The following ME3 variants were observed in gnomAD, a reference collection of about 807,000 sequenced individuals.
ME3 encodes the protein NADP-dependent malic enzyme, mitochondrial.
ME3 carries 48 observed loss-of-function variants against 68.9 expected under a neutral mutation model. That is an observed-to-expected ratio of 0.70 (90% CI 0.55 to 0.89). ME3 has a LOEUF of 0.89. Among genes scored for constraint, ME3 ranks in the 40% least tolerant of loss-of-function variants. The probability of loss-of-function intolerance (pLI) is 0.00; values close to 1 mark genes in which losing one functional copy is unlikely to be tolerated. For synonymous variants in ME3, 320 were observed against 318.8 expected, an observed-to-expected ratio of 1.00 and a Z score of -0.04; for missense variants, 675 against 797.4, an observed-to-expected ratio of 0.85 and a Z score of 1.85.
At chr11:86,454,133 A>G (rs1264093044) in intron 8 of ME3, among the ~76,000 whole-genome samples, 1 of 152,240 alleles carries the variant, frequency 6.6e-6, no homozygotes, top group African/African-American at 2.4e-5. Context: ...GGCTTACTAC[A>G]TTTGGATAAT....
chr11:86,617,067 T>G (rs887481460), intron 2 of ME3, among the ~76,000 whole-genome samples: 4 of 141,128 alleles, frequency 2.8e-5, no homozygotes, highest in African/African-American at 1.0e-4. Flanking sequence ...TTTTTTTTTT[T>G]TTTTTTTTTT....
intron 2 of ME3, among the ~76,000 whole-genome samples, chr11:86,604,071 T>A (rs1374552123): frequency 6.6e-6 from 1 of 151,092 alleles, no homozygotes; most frequent in East Asian, 1.9e-4. Flanking sequence ...ATTGTGCACA[T>A]GTACCCTAAA....
chr11:86,641,038 G>GGC (rs1390955360), intron 2 of ME3, among the ~76,000 whole-genome samples: 475 of 23,890 alleles, frequency 0.02, 1 homozygote, highest in Non-Finnish European at 0.051. Context: ...AATTTCACTG[G>GGC]GGGGGGGGGT....
intron 4 of ME3, among the ~76,000 whole-genome samples, chr11:86,537,232 C>T (rs1019920863): frequency 4.6e-5 from 7 of 151,380 alleles, no homozygotes; most frequent in African/African-American, 1.7e-4. Context: ...CACATGTATA[C>T]ATATGTAACT....
In ME3 at chr11:86,450,488, T is replaced by G. The variant is rs116648270; in HGVS notation, c.920-90A>C. The G allele has an allele frequency of 4.4e-4, 484 of 1,091,612 alleles. 1 individual carries two copies. The African/African-American group carries it at 6.7e-3, about 15-fold the overall frequency. The allele number at this position is 1,091,612 out of a possible 1,614,324, so 67.6% of individuals were successfully genotyped here. A position where few individuals can be genotyped will look rare whatever the true frequency, so the allele number is the denominator to read the frequency against. ...TGGCAGAGTTCCCCACATCTGGGAC[T>G]GTGGAGGAACAGGCAACTTTTCTTA... On this transcript the variant is annotated intron_variant, in intron 8 of 14. Coordinates refer to ENST00000543262, the Ensembl canonical transcript of ME3.
At chr11:86,534,805 T>C (rs993784315) in intron 4 of ME3, among the ~76,000 whole-genome samples, 1 of 152,200 alleles carries the variant, frequency 6.6e-6, no homozygotes, top group South Asian at 2.1e-4. Context: ...GGACTTCCAC[T>C]TGGGTTTGCT....
At chr11:86,541,927 C>G (rs1037091902) in intron 4 of ME3, among the ~76,000 whole-genome samples, 1 of 152,172 alleles carries the variant, frequency 6.6e-6, no homozygotes, top group South Asian at 2.1e-4. Flanking sequence ...TGGTGGTTGC[C>G]CCTCTGGGAT....
At chr11:86,568,947 C>T (rs1427746992) in intron 2 of ME3, among the ~76,000 whole-genome samples, 1 of 152,226 alleles carries the variant, frequency 6.6e-6, no homozygotes, top group African/African-American at 2.4e-5. Flanking sequence ...ACATACAATA[C>T]CAATCCTGGG....
At chr11:86,466,138 G>A (rs796078879) in intron 7 of ME3, among the ~76,000 whole-genome samples, 2 of 152,294 alleles carry the variant, frequency 1.3e-5, no homozygotes, top group East Asian at 1.9e-4. Context: ...AGGAAGCTGA[G>A]AGTGAAGTTT....
intron 2 of ME3, among the ~76,000 whole-genome samples, chr11:86,662,696 A>G (rs144612311): frequency 6.5e-4 from 99 of 152,362 alleles, no homozygotes; most frequent in African/African-American, 2.2e-3. Context: ...GTTAACATAT[A>G]TAAACTACTT....
In ME3 at chr11:86,550,546, G is replaced by A. The variant is rs530670956; in HGVS notation, c.467+6007C>T. Among the ~76,000 whole-genome samples, 6 of 152,204 alleles carry A rather than the reference G, an allele frequency of 3.9e-5. No homozygotes were observed. The South Asian group carries it at 8.3e-4, about 21-fold the overall frequency. ...CCTTGTACACAGTCTACTCAAGGAC[G>A]CCTTTCCAGCAGCACAGCTGAAAGT... On this transcript the variant is annotated intron_variant, in intron 4 of 14. Transcript: ENST00000543262.
chr11:86,498,269 A>G (rs779397414), intron 5 of ME3, 145 bp from the exon 6 acceptor site: 12 of 969,624 alleles, frequency 1.2e-5, no homozygotes, highest in Non-Finnish European at 1.8e-5. Context: ...ATAAGGCCGG[A>G]GCATTTATTC....
chr11:86,607,452 GTT>G (rs146485846), intron 2 of ME3, among the ~76,000 whole-genome samples: 4,900 of 133,456 alleles, frequency 0.037, 114 homozygotes, highest in Non-Finnish European at 0.054. Flanking sequence ...GAGAGGCATA[GTT>G]TTTTTTTTTT....
chr11:86,601,486 AG>A (rs1303439490), intron 2 of ME3, among the ~76,000 whole-genome samples: 1 of 152,194 alleles, frequency 6.6e-6, no homozygotes, highest in African/African-American at 2.4e-5. Flanking sequence ...AAAAGAGTCC[AG>A]GACCAGATGG....
At chr11:86,563,360 C>T (rs1454817374) in intron 2 of ME3, among the ~76,000 whole-genome samples, 1 of 152,060 alleles carries the variant, frequency 6.6e-6, no homozygotes, top group Non-Finnish European at 1.5e-5. Context: ...TTGATAATAG[C>T]CATTCTGACT....
chr11:86,455,976 A>G (rs1949896304), intron 8 of ME3, among the ~76,000 whole-genome samples: 1 of 152,172 alleles, frequency 6.6e-6, no homozygotes, highest in Non-Finnish European at 1.5e-5. Flanking sequence ...AATTTTCTCC[A>G]AAGTCCACTT....
chr11:86,608,870 A>G (rs913840766), intron 2 of ME3, among the ~76,000 whole-genome samples: 6 of 152,240 alleles, frequency 3.9e-5, no homozygotes, highest in African/African-American at 1.2e-4. Flanking sequence ...TAAAAATTCC[A>G]TAATGACTTC....
chr11:86,560,484 C>T (rs944353328), intron 2 of ME3, among the ~76,000 whole-genome samples: 1 of 151,936 alleles, frequency 6.6e-6, no homozygotes, highest in Admixed American at 6.6e-5. Context: ...CGGACTAATA[C>T]AAACAGTATT....
At chr11:86,486,037 T>C (rs1451291399) in intron 7 of ME3, among the ~76,000 whole-genome samples, 1 of 152,142 alleles carries the variant, frequency 6.6e-6, no homozygotes, top group Non-Finnish European at 1.5e-5. Flanking sequence ...CACTCTATGC[T>C]GATGTCCTTG....
Sources: gnomAD v4.1 joint callset for allele counts (sites outside exome capture counted in the v4.1 genomes callset) on GRCh38, gnomAD v4.1.1 for gene constraint, MANE v1.5 for transcripts, NCBI Gene and HGNC (gene_info 2026-07-23, HGNC 2026-07-21) for gene names.